The following P2RX3 variants were observed in gnomAD, a reference collection of about 807,000 sequenced individuals.
The protein encoded by P2RX3 is purinergic receptor P2X 3, also known as P2X purinoceptor 3.
P2RX3 carries 41 observed loss-of-function variants against 51.5 expected under a neutral mutation model. The ratio of observed to expected loss-of-function variants is 0.80; its 90% CI spans 0.62 to 1.03. P2RX3 has a LOEUF of 1.03. P2RX3 is among the 50% of genes least tolerant of loss of function. The pLI is 0.00. For synonymous variants in P2RX3, 185 were observed against 191.6 expected (o/e 0.97, Z 0.29); for missense variants, 459 against 522.1 (o/e 0.88, Z 1.18).
intron 1 of P2RX3, among the ~76,000 whole-genome samples, chr11:57,341,328 C>A (rs999428589): frequency 1.3e-5 from 2 of 152,076 alleles, no homozygotes; most frequent in Admixed American, 6.5e-5. Flanking sequence ...CAATCTCTTC[C>A]CCATCATCCC....
intron 8 of P2RX3, among the ~76,000 whole-genome samples, chr11:57,354,935 A>G (rs1487732389): frequency 6.6e-6 from 1 of 152,244 alleles, no homozygotes; most frequent in African/African-American, 2.4e-5. Flanking sequence ...GGCCAGAAAC[A>G]GGACACTGGT....
intron 7 of P2RX3, 57 bp from the exon 8 acceptor site, chr11:57,350,705 C>G: frequency 6.2e-7 from 1 of 1,600,842 alleles, no homozygotes. Context: ...CCCACCCTGG[C>G]CCAGAGCAGG....
chr11:57,344,273 A>G (rs573556728), intron 1 of P2RX3, among the ~76,000 whole-genome samples: 1 of 152,340 alleles, frequency 6.6e-6, no homozygotes, highest in East Asian at 1.9e-4. Flanking sequence ...CAAGCCAGTA[A>G]TACTACTGAA....
chr11:57,357,960 C>T (rs1273327665), intron 8 of P2RX3, among the ~76,000 whole-genome samples: 1 of 152,186 alleles, frequency 6.6e-6, no homozygotes, highest in African/African-American at 2.4e-5. Context: ...AAGTCAAACC[C>T]GGCTCCGGCA....
At chr11:57,356,780 G>A (rs1020279791) in intron 8 of P2RX3, among the ~76,000 whole-genome samples, 2 of 151,910 alleles carry the variant, frequency 1.3e-5, no homozygotes, top group South Asian at 4.2e-4. Flanking sequence ...CTCTTCCATG[G>A]GAAGTGTACT....
intron 1 of P2RX3, chr11:57,340,431 C>T (rs1856317610): frequency 6.6e-6 from 1 of 152,432 alleles, no homozygotes; most frequent in African/African-American, 2.4e-5. Flanking sequence ...GACAGCTCCC[C>T]ACGGGACACT....
chr11:57,346,227 C>G (rs1013810759), intron 1 of P2RX3, among the ~76,000 whole-genome samples: 1 of 152,170 alleles, frequency 6.6e-6, no homozygotes, highest in African/African-American at 2.4e-5. Flanking sequence ...GGTTCTCACT[C>G]TTTTTATGCA....
At chr11:57,350,373 A>G (rs1266981590) in intron 7 of P2RX3, 2 of 171,180 alleles carry the variant, frequency 1.2e-5, no homozygotes, top group Admixed American at 7.8e-5. Flanking sequence ...ATTTCGGCTC[A>G]CTGCAACCTC....
chr11:57,352,155 G>A (rs1399452038), intron 8 of P2RX3, among the ~76,000 whole-genome samples: 2 of 151,944 alleles, frequency 1.3e-5, no homozygotes, highest in African/African-American at 2.4e-5. Context: ...AATGGCATAC[G>A]TAAGCCAAAA....
At chr11:57,362,906 T>G (rs1462538140) in intron 8 of P2RX3, among the ~76,000 whole-genome samples, 2 of 152,214 alleles carry the variant, frequency 1.3e-5, no homozygotes, top group Non-Finnish European at 2.9e-5. Context: ...AATATCATTA[T>G]CTACAGGAGC....
intron 8 of P2RX3, among the ~76,000 whole-genome samples, chr11:57,355,275 G>A (rs112087362): frequency 6.6e-6 from 1 of 150,658 alleles, no homozygotes; most frequent in African/African-American, 2.4e-5. Flanking sequence ...GAAGATGCAT[G>A]TATTCATAGA....
intron 1 of P2RX3, among the ~76,000 whole-genome samples, chr11:57,345,246 C>T (rs1856410538): frequency 6.6e-6 from 1 of 152,184 alleles, no homozygotes; most frequent in South Asian, 2.1e-4. Context: ...TGTGGTTTTC[C>T]AACCTCGTGC....
chr11:57,359,320 G>T (rs1453013930), intron 8 of P2RX3, among the ~76,000 whole-genome samples: 1 of 148,194 alleles, frequency 6.7e-6, no homozygotes, highest in Non-Finnish European at 1.5e-5. Context: ...CCAGAAACCA[G>T]GGGGGAGGAA....
At chr11:57,348,788 C>T (rs956214724) in intron 6 of P2RX3, 84 bp downstream of exon 6, 2 of 950,686 alleles carry the variant, frequency 2.1e-6, no homozygotes, top group Admixed American at 1.9e-5. Flanking sequence ...GAGATGCCCC[C>T]TCGCCACAGT....
At chr11:57,364,356 C>G (rs1222226168) in intron 8 of P2RX3, among the ~76,000 whole-genome samples, 4 of 152,218 alleles carry the variant, frequency 2.6e-5, no homozygotes, top group African/African-American at 4.8e-5. Context: ...GGGGTATGAG[C>G]ATGAACTTTG....
At chr11:57,367,189 A>T (rs1856810551) in intron 8 of P2RX3, among the ~76,000 whole-genome samples, 1 of 152,234 alleles carries the variant, frequency 6.6e-6, no homozygotes, top group Non-Finnish European at 1.5e-5. Context: ...TGGCAGCCTT[A>T]TGAAGCAGGA....
chr11:57,346,875 G>A (rs1281135155), intron 2 of P2RX3, among the ~76,000 whole-genome samples, 196 bp downstream of exon 2: 1 of 152,218 alleles, frequency 6.6e-6, no homozygotes, highest in Non-Finnish European at 1.5e-5. Flanking sequence ...GGAAAGCTGG[G>A]TTCCTCTCCA....
intron 1 of P2RX3, among the ~76,000 whole-genome samples, chr11:57,339,787 G>T (rs1375000008): frequency 1.3e-5 from 2 of 152,196 alleles, no homozygotes; most frequent in Non-Finnish European, 2.9e-5. Flanking sequence ...TGTGCCTGTG[G>T]GCTGAAGCTG....
intron 8 of P2RX3, among the ~76,000 whole-genome samples, chr11:57,366,138 C>A (rs566193999): frequency 6.6e-6 from 1 of 152,152 alleles, no homozygotes; most frequent in Non-Finnish European, 1.5e-5. Context: ...CATTTTACAG[C>A]TGTAGGACAG....
Sources: allele counts gnomAD v4.1 joint callset (sites outside exome capture counted in the v4.1 genomes callset), GRCh38; gene constraint gnomAD v4.1.1; transcripts MANE v1.5; gene names NCBI Gene and HGNC (gene_info 2026-07-23, HGNC 2026-07-21).